The following TNFAIP8L3 variants were observed in gnomAD, a reference collection of about 807,000 sequenced individuals.
TNFAIP8L3 encodes the protein TNF alpha induced protein 8 like 3.
Under a neutral mutation model 11.8 loss-of-function variants are expected in TNFAIP8L3, and 7 were observed. The observed-to-expected ratio is 0.59, with a 90% confidence interval of 0.34 to 1.11. The LOEUF (loss-of-function observed/expected upper bound fraction) is 1.11. TNFAIP8L3 is among the 50% of genes most tolerant of loss of function. The pLI is 0.03. For synonymous variants in TNFAIP8L3, 98 were observed against 103.8 expected (o/e 0.94, Z 0.34); for missense variants, 219 against 258.6 (o/e 0.85, Z 1.05).
At chr15:51,067,768 A>C (rs1231453247) in intron 1 of TNFAIP8L3, among the ~76,000 whole-genome samples, 1 of 152,236 alleles carries the variant, frequency 6.6e-6, no homozygotes, top group Non-Finnish European at 1.5e-5. Context: ...AAAATAGCCC[A>C]GTGATTTCAA....
chr15:51,089,801 C>G (rs1031403239), intron 1 of TNFAIP8L3, among the ~76,000 whole-genome samples: 1 of 152,162 alleles, frequency 6.6e-6, no homozygotes, highest in African/African-American at 2.4e-5. Flanking sequence ...GTCCTGACTC[C>G]GAAAGCAGCT....
chr15:51,062,583 G>A (rs933601185), intron 1 of TNFAIP8L3, among the ~76,000 whole-genome samples: 1 of 152,204 alleles, frequency 6.6e-6, no homozygotes, highest in Non-Finnish European at 1.5e-5. Context: ...CTTGCAGTCT[G>A]CCCATCTACC....
chr15:51,065,149 A>G (rs1016387927), intron 1 of TNFAIP8L3, among the ~76,000 whole-genome samples: 1 of 152,242 alleles, frequency 6.6e-6, no homozygotes, highest in African/African-American at 2.4e-5. Flanking sequence ...GTAGAAAGAC[A>G]GGGGGCTTCC....
intron 1 of TNFAIP8L3, among the ~76,000 whole-genome samples, chr15:51,086,094 A>G (rs560795661): frequency 6.6e-6 from 1 of 152,238 alleles, no homozygotes; most frequent in African/African-American, 2.4e-5. Flanking sequence ...TGGGGATTGT[A>G]TATCTGAAAT....
chr15:51,081,864 T>A (rs2065394842), intron 1 of TNFAIP8L3, among the ~76,000 whole-genome samples: 1 of 152,116 alleles, frequency 6.6e-6, no homozygotes, highest in Non-Finnish European at 1.5e-5. Flanking sequence ...CAATGCTCCC[T>A]TTGTCCAACA....
intron 1 of TNFAIP8L3, among the ~76,000 whole-genome samples, chr15:51,093,966 T>G (rs2065491143): frequency 6.6e-6 from 1 of 152,050 alleles, no homozygotes; most frequent in Non-Finnish European, 1.5e-5. Context: ...CGGGGACCAG[T>G]CCGCGGGGAC....
intron 1 of TNFAIP8L3, among the ~76,000 whole-genome samples, chr15:51,062,467 T>C (rs958743964): frequency 2.0e-5 from 3 of 152,106 alleles, no homozygotes; most frequent in African/African-American, 7.2e-5. Flanking sequence ...GATGAGTTTG[T>C]ATATTAGTAT....
Position 51,094,195 on chromosome 15 carries a change from CG to C in TNFAIP8L3, c.52+348del, listed in dbSNP as rs1337168944. ...CAGGTTCGAGGACCCGGCCCGCGCT[CG>C]GAAAGTTATTTCAAAAGGCAGATGT... is the stretch of plus-strand genomic sequence containing the variant. On this transcript the variant is annotated intron_variant, in intron 1 of 1. Transcript: ENST00000637513. The surrounding 1 kb of genome is among the most constrained non-coding windows in gnomAD (Gnocchi z 4.4). Among the ~76,000 whole-genome samples the C allele has an allele frequency of 6.6e-6, 1 of 152,186 alleles. No homozygotes were observed. The highest frequency in any genetic ancestry group is 1.5e-5 in the Non-Finnish European group (1 of 68,038).
At chr15:51,084,287 C>A (rs551995170) in intron 1 of TNFAIP8L3, among the ~76,000 whole-genome samples, 1 of 152,250 alleles carries the variant, frequency 6.6e-6, no homozygotes, top group Non-Finnish European at 1.5e-5. Flanking sequence ...ATAATGTGAA[C>A]ATTTCCCTAT....
chr15:51,105,139 G>A, exon 1 of TNFAIP8L3: 1 of 1,614,092 alleles, frequency 6.2e-7, no homozygotes, highest in Non-Finnish European at 8.5e-7. Flanking sequence ...ACAGAGTGTG[G>A]AAACCAGTGT....
At position 51,086,665 on chromosome 15, in the gene TNFAIP8L3, T is replaced by C. The variant is rs190231186; in HGVS notation, c.52+7879A>G. The stretch of plus-strand genomic sequence containing the variant: ...CCTCTCTGTGTTTGGTTTTCTGTTC[T>C]ATAAATTGGGGCTATTTATAGTACA... On this transcript the variant is annotated intron_variant, in intron 1 of 1. Coordinates refer to ENST00000637513, the MANE Select transcript of TNFAIP8L3 (RefSeq NM_001311175.2). Among the ~76,000 whole-genome samples, 246 of 152,362 alleles carry C rather than the reference T, an allele frequency of 1.6e-3. 2 individuals carry two copies. Among genetic ancestry groups the C allele is most frequent in the African/African-American group, 5.8e-3 (241 of 41,578 alleles).
intron 1 of TNFAIP8L3, among the ~76,000 whole-genome samples, chr15:51,088,480 T>A (rs1373635359): frequency 6.6e-6 from 1 of 152,158 alleles, no homozygotes; most frequent in Non-Finnish European, 1.5e-5. Flanking sequence ...CTCCCCAATA[T>A]GGCTACAAAC....
At chr15:51,071,704 T>C (rs1399217262) in intron 1 of TNFAIP8L3, among the ~76,000 whole-genome samples, 1 of 152,250 alleles carries the variant, frequency 6.6e-6, no homozygotes, top group African/African-American at 2.4e-5. Flanking sequence ...CTGGGGTCTA[T>C]ACCTATAACT....
chr15:51,056,719 G>T lies in TNFAIP8L3; in HGVS notation c.*1162C>A, dbSNP rs879507456. On this transcript the variant is annotated 3_prime_UTR_variant, in exon 2 of 2. Transcript: ENST00000637513. ...GATTCTCCCGTGCATATGGAATAAAGCCTCCCTGAGCTCCATGCCCCTTAG... is the reference window on the plus strand; with the variant it reads ...GATTCTCCCGTGCATATGGAATAAATCCTCCCTGAGCTCCATGCCCCTTAG... The T allele has an allele frequency of 6.6e-6, 1 of 151,984 alleles. No individual in the cohort carries two copies. Among genetic ancestry groups the T allele is most frequent in the Non-Finnish European group, 1.5e-5 (1 of 68,008 alleles). 9.4% of individuals were successfully genotyped at this position (151,984 alleles called of 1,614,324 possible).
chr15:51,094,793 C>T lies in TNFAIP8L3; in HGVS notation c.-198G>A. 1.2e-6 allele frequency: 1 copy of T among 807,950 alleles called. No homozygotes were observed. The highest frequency in any genetic ancestry group is 1.5e-6 in the Non-Finnish European group (1 of 670,460). 50.0% of individuals were successfully genotyped at this position (807,950 alleles called of 1,614,324 possible). On this transcript the variant is annotated 5_prime_UTR_variant, in exon 1 of 2. Coordinates refer to ENST00000637513, the MANE Select transcript of TNFAIP8L3 (RefSeq NM_001311175.2). The surrounding 1 kb of genome is among the most constrained non-coding windows in gnomAD (Gnocchi z 4.4). ...CGCCGCCGCGCCCCGCTCCCCGCGC[C>T]CGCCGGCCGGTGCCTGCGCGCGAGG... is the stretch of plus-strand genomic sequence containing the variant.
rs2065218016 is a variant in TNFAIP8L3, at chr15:51,058,094, G to A, written c.402C>T (p.Leu134=). ...EVEYTFDRNV[L]SNLLHECKDL... ...CCTTGCACTCATGCAGGAGATTGGAGAGCACGTTCCTATCGAAGGTGTATT... is the reference window on the plus strand; with the variant it reads ...CCTTGCACTCATGCAGGAGATTGGAAAGCACGTTCCTATCGAAGGTGTATT... The change falls in exon 2 of 2, where the codon CTC becomes CTT. Residue 134 remains leucine (L), a synonymous_variant. Transcript: ENST00000637513. 6.8e-6 allele frequency: 11 copies of A among 1,614,126 alleles called. No homozygotes were observed. The East Asian group carries it at 2.5e-4, about 36-fold the overall frequency.
In TNFAIP8L3 at chr15:51,094,497, T is replaced by G. The variant is rs778059593; in HGVS notation, c.52+47A>C. On this transcript the variant is annotated intron_variant, in intron 1 of 1. Coordinates refer to ENST00000637513, the MANE Select transcript of TNFAIP8L3 (RefSeq NM_001311175.2). The surrounding 1 kb of genome is among the most constrained non-coding windows in gnomAD (Gnocchi z 4.4). ...GATTTCATGCCCCAGCCTCCCGTCC[T>G]CCCCAGCCCCAGCCCACCCGCCTGG... 5.8e-5 allele frequency: 83 copies of G among 1,430,208 alleles called. No homozygotes were observed. The African/African-American group carries it at 1.2e-3, about 21-fold the overall frequency. The allele number at this position is 1,430,208 out of a possible 1,614,324, so 88.6% of individuals were successfully genotyped here.
chr15:51,077,479 C>T (rs1001716449), intron 1 of TNFAIP8L3, among the ~76,000 whole-genome samples: 2 of 152,210 alleles, frequency 1.3e-5, no homozygotes, highest in Non-Finnish European at 2.9e-5. Flanking sequence ...CTGCTGCCCA[C>T]CCCGCTCCCA....
intron 1 of TNFAIP8L3, among the ~76,000 whole-genome samples, chr15:51,072,301 C>T (rs1354799838): frequency 2.0e-5 from 3 of 152,188 alleles, no homozygotes; most frequent in East Asian, 1.9e-4. Flanking sequence ...CCACCATGCC[C>T]GGCTAATTTT....
Sources: gnomAD v4.1 joint callset for allele counts (sites outside exome capture counted in the v4.1 genomes callset) on GRCh38, gnomAD v4.1.1 for gene constraint, Gnocchi (gnomAD v3.1) non-coding constraint, MANE v1.5 for transcripts, NCBI Gene and HGNC (gene_info 2026-07-23, HGNC 2026-07-21) for gene names.